Variants in FAF1 observed in about 807,000 individuals in gnomAD.
The protein encoded by FAF1 is FAS-associated factor 1.
FAF1 carries 25 observed loss-of-function variants against 92.5 expected under a neutral mutation model. The ratio of observed to expected loss-of-function variants is 0.27; its 90% CI spans 0.20 to 0.38. FAF1 has a LOEUF of 0.38. Among genes scored for constraint, FAF1 ranks in the 10% least tolerant of loss-of-function variants. The pLI, the probability that FAF1 is intolerant of heterozygous loss-of-function variation, is 1.00. For synonymous variants in FAF1, 234 were observed against 273.2 expected (o/e 0.86, Z 1.42); for missense variants, 636 against 793.3 (o/e 0.80, Z 2.38).
intron 7 of FAF1, among the ~76,000 whole-genome samples, chr1:50,688,380 T>C (rs1485546510): frequency 6.6e-6 from 1 of 152,116 alleles, no homozygotes; most frequent in African/African-American, 2.4e-5. Flanking sequence ...CTCAAAGATG[T>C]ATTTGTACAC....
intron 13 of FAF1, among the ~76,000 whole-genome samples, chr1:50,557,989 T>C (rs973813191): frequency 1.3e-5 from 2 of 152,052 alleles, no homozygotes; most frequent in African/African-American, 2.4e-5. Flanking sequence ...CTCGGCTCAC[T>C]GCAACCTCTG....
At chr1:50,811,517 T>C (rs2124605945) in intron 2 of FAF1, among the ~76,000 whole-genome samples, 1 of 152,230 alleles carries the variant, frequency 6.6e-6, no homozygotes, top group South Asian at 2.1e-4. Flanking sequence ...GTGAAAGATC[T>C]CTGTAATGAG....
intron 1 of FAF1, among the ~76,000 whole-genome samples, chr1:50,871,454 G>C (rs1432485150): frequency 3.3e-5 from 5 of 152,170 alleles, no homozygotes; most frequent in African/African-American, 9.7e-5. Context: ...TTCTCATTAG[G>C]GGCTAATGCA....
At chr1:50,551,790 T>A (rs530045113) in intron 13 of FAF1, among the ~76,000 whole-genome samples, 2 of 152,332 alleles carry the variant, frequency 1.3e-5, no homozygotes, top group South Asian at 4.1e-4. Context: ...GGAAATTCAA[T>A]CTGTAGAATG....
intron 4 of FAF1, among the ~76,000 whole-genome samples, chr1:50,754,197 T>C (rs1659986568): frequency 6.6e-6 from 1 of 152,246 alleles, no homozygotes; most frequent in African/African-American, 2.4e-5. Flanking sequence ...AATTTTATCT[T>C]GTTAAGTGCT....
chr1:50,573,822 A>C (rs572484174), intron 12 of FAF1, among the ~76,000 whole-genome samples: 77 of 151,344 alleles, frequency 5.1e-4, no homozygotes, highest in Middle Eastern at 3.4e-3. Context: ...AAAAACAAAA[A>C]AAAAAAAAAC....
At chr1:50,524,146 G>T (rs568187205) in intron 15 of FAF1, among the ~76,000 whole-genome samples, 3 of 152,146 alleles carry the variant, frequency 2.0e-5, no homozygotes, top group African/African-American at 7.2e-5. Context: ...CTAATGACCT[G>T]TGATGCTGTG....
At chr1:50,651,291 AT>A (rs1411761747) in intron 8 of FAF1, among the ~76,000 whole-genome samples, 1 of 152,240 alleles carries the variant, frequency 6.6e-6, no homozygotes, top group African/African-American at 2.4e-5. Flanking sequence ...TTTTAAAAAA[AT>A]AGCTTCACTG....
At position 50,583,434 on chromosome 1, in the gene FAF1, C is replaced by A. The variant is rs577195773; in HGVS notation, c.1031+218G>T. ...AATTAGGATCCATTTATTGAACGTC[C>A]ATAAACATACAGAAATAAGTTGAAT... On this transcript the variant is annotated intron_variant, in intron 11 of 18. Transcript: ENST00000396153. This position sits in a 1 kb window ranked among gnomAD's most constrained non-coding sequence, Gnocchi z 4.2. 6.6e-6 allele frequency among the ~76,000 whole-genome samples: 1 copy of A among 151,868 alleles called. No homozygotes were observed. Among genetic ancestry groups the A allele is most frequent in the South Asian group, 2.1e-4 (1 of 4,810 alleles).
intron 6 of FAF1, among the ~76,000 whole-genome samples, chr1:50,719,467 T>C (rs1658318771): frequency 6.6e-6 from 1 of 152,234 alleles, no homozygotes; most frequent in Middle Eastern, 3.2e-3. Flanking sequence ...TTTCACATAA[T>C]TTCTAATAAC....
intron 7 of FAF1, among the ~76,000 whole-genome samples, chr1:50,685,274 A>G (rs1656607281): frequency 6.6e-6 from 1 of 152,218 alleles, no homozygotes; most frequent in African/African-American, 2.4e-5. Flanking sequence ...AGTATTCTAG[A>G]GTTAATAAAG....
intron 1 of FAF1, among the ~76,000 whole-genome samples, chr1:50,922,546 AG>A (rs1644973363): frequency 6.6e-6 from 1 of 150,646 alleles, no homozygotes; most frequent in Non-Finnish European, 1.5e-5. Context: ...GCTAGGCCGC[AG>A]TGGCTCATGC....
chr1:50,678,663 C>A (rs552200657), intron 7 of FAF1, among the ~76,000 whole-genome samples: 222 of 150,054 alleles, frequency 1.5e-3, no homozygotes, highest in African/African-American at 5.2e-3. Flanking sequence ...GCCTGTAATC[C>A]CAGCTACTCA....
intron 7 of FAF1, among the ~76,000 whole-genome samples, chr1:50,687,972 A>G (rs982651632): frequency 6.6e-6 from 1 of 151,376 alleles, no homozygotes; most frequent in Admixed American, 6.6e-5. Flanking sequence ...TGTCTCTACT[A>G]AAAATACAAA....
chr1:50,732,000 T>C (rs1336906191), intron 6 of FAF1, among the ~76,000 whole-genome samples: 2 of 152,130 alleles, frequency 1.3e-5, no homozygotes, highest in African/African-American at 4.8e-5. Flanking sequence ...AAGTATTCCA[T>C]GAGTGCTTTA....
chr1:50,935,438 G>A (rs1645078107), intron 1 of FAF1, among the ~76,000 whole-genome samples: 1 of 151,690 alleles, frequency 6.6e-6, no homozygotes. Context: ...TGGGCTTACA[G>A]GCATGAGTCA....
intron 2 of FAF1, among the ~76,000 whole-genome samples, chr1:50,832,253 T>C (rs1228296237): frequency 6.6e-6 from 1 of 152,122 alleles, no homozygotes; most frequent in Non-Finnish European, 1.5e-5. Context: ...TCCCAGGTGC[T>C]AAAAAGGTTG....
intron 1 of FAF1, among the ~76,000 whole-genome samples, chr1:50,955,827 C>T (rs1005354710): frequency 3.3e-5 from 5 of 152,054 alleles, no homozygotes; most frequent in African/African-American, 9.7e-5. Flanking sequence ...AAAATCCTGA[C>T]GCATGCTAAC....
intron 4 of FAF1, among the ~76,000 whole-genome samples, chr1:50,779,232 C>T (rs1390137727): frequency 1.3e-5 from 2 of 152,164 alleles, no homozygotes; most frequent in Admixed American, 6.6e-5. Context: ...CTGAACTCCT[C>T]AAAGTCATCC....
Sources: gnomAD v4.1 joint callset for allele counts (sites outside exome capture counted in the v4.1 genomes callset) on GRCh38, gnomAD v4.1.1 for gene constraint, Gnocchi (gnomAD v3.1) non-coding constraint, MANE v1.5 for transcripts, NCBI Gene and HGNC (gene_info 2026-07-23, HGNC 2026-07-21) for gene names.